Variants in PTPRM observed in about 807,000 individuals in gnomAD.
PTPRM encodes the protein protein tyrosine phosphatase receptor type M, also known as receptor-type tyrosine-protein phosphatase mu.
A neutral mutation model predicts 186.7 loss-of-function variants in PTPRM; 47 were observed. That is an observed-to-expected ratio of 0.25 (90% CI 0.20 to 0.32). The LOEUF (loss-of-function observed/expected upper bound fraction) is 0.32, where lower values mean the gene tolerates loss of function less well. Among genes scored for constraint, PTPRM ranks in the 10% least tolerant of loss-of-function variants. The pLI, the probability that PTPRM is intolerant of heterozygous loss-of-function variation, is 1.00. For synonymous variants in PTPRM, 668 were observed against 674.9 expected, an observed-to-expected ratio of 0.99 and a Z score of 0.16; for missense variants, 1,494 against 1,865.0, an observed-to-expected ratio of 0.80 and a Z score of 3.66.
intron 2 of PTPRM, among the ~76,000 whole-genome samples, chr18:7,839,143 C>T (rs2046203136): frequency 1.3e-5 from 2 of 152,202 alleles, no homozygotes; most frequent in Non-Finnish European, 2.9e-5. Flanking sequence ...AGTCCTGGAA[C>T]CAGGGACCCC....
intron 14 of PTPRM, 69 bp downstream of exon 14, chr18:8,143,848 A>G (rs561474673): frequency 1.3e-6 from 2 of 1,569,780 alleles, no homozygotes; most frequent in Non-Finnish European, 1.7e-6. Context: ...TGTGTGTGTG[A>G]AAATTCTCAG....
At chr18:8,193,682 T>C (rs1393287749) in intron 14 of PTPRM, among the ~76,000 whole-genome samples, 1 of 152,200 alleles carries the variant, frequency 6.6e-6, no homozygotes, top group Non-Finnish European at 1.5e-5. Flanking sequence ...AGCCTTCTGC[T>C]TTGATTAAGA....
intron 7 of PTPRM, among the ~76,000 whole-genome samples, chr18:8,066,257 A>G (rs1469495549): frequency 2.0e-5 from 3 of 152,216 alleles, no homozygotes; most frequent in South Asian, 2.1e-4. Context: ...GTCATTGGTC[A>G]TAGCCTATCA....
chr18:8,360,159 ATC>A (rs1224214262), intron 23 of PTPRM, among the ~76,000 whole-genome samples: 1 of 152,254 alleles, frequency 6.6e-6, no homozygotes, highest in Non-Finnish European at 1.5e-5. Context: ...AGACATCAGT[ATC>A]TCTACTTTAG....
chr18:7,606,931 G>A (rs1161204509), intron 1 of PTPRM, among the ~76,000 whole-genome samples: 2 of 152,106 alleles, frequency 1.3e-5, no homozygotes, highest in Non-Finnish European at 2.9e-5. Context: ...TGTTTTGGTG[G>A]AAACTGCTCT....
intron 3 of PTPRM, among the ~76,000 whole-genome samples, chr18:7,901,092 A>G (rs773680821): frequency 6.6e-4 from 101 of 152,172 alleles, no homozygotes; most frequent in Non-Finnish European, 1.3e-3. Context: ...TGGCATTTTC[A>G]AACATTCCTA....
At chr18:7,805,800 G>T (rs1430461844) in intron 2 of PTPRM, among the ~76,000 whole-genome samples, 1 of 152,066 alleles carries the variant, frequency 6.6e-6, no homozygotes, top group Non-Finnish European at 1.5e-5. Context: ...AGGTTGAGGA[G>T]GCTGTCTTTT....
chr18:8,364,287 A>G (rs759614886), intron 23 of PTPRM, among the ~76,000 whole-genome samples: 20 of 152,208 alleles, frequency 1.3e-4, no homozygotes, highest in Admixed American at 4.6e-4. Flanking sequence ...ATCTCATATT[A>G]TGCATGAGAA....
chr18:7,996,632 T>A (rs766526410), intron 7 of PTPRM, among the ~76,000 whole-genome samples: 2 of 152,064 alleles, frequency 1.3e-5, no homozygotes, highest in Non-Finnish European at 2.9e-5. Context: ...ATCTTATATT[T>A]AGAAATACCT....
At chr18:7,724,515 C>T (rs978581868) in intron 1 of PTPRM, among the ~76,000 whole-genome samples, 2 of 152,118 alleles carry the variant, frequency 1.3e-5, no homozygotes, top group African/African-American at 4.8e-5. Flanking sequence ...TTGCTGGTAC[C>T]CGGCATTATC....
At chr18:7,918,651 T>G (rs144958639) in intron 4 of PTPRM, among the ~76,000 whole-genome samples, 51 of 152,320 alleles carry the variant, frequency 3.3e-4, no homozygotes, top group Middle Eastern at 3.4e-3. Flanking sequence ...TTGGACTATT[T>G]GTATTTTTGC....
At chr18:8,309,795 AG>A (rs2095254446) in intron 20 of PTPRM, among the ~76,000 whole-genome samples, 1 of 152,186 alleles carries the variant, frequency 6.6e-6, no homozygotes, top group African/African-American at 2.4e-5. Context: ...CGGCCTCCCA[AG>A]TAGCTTGGTC....
chr18:7,567,682 C>A lies in PTPRM; in HGVS notation c.-137C>A. The stretch of plus-strand genomic sequence containing the variant: ...GAGTTCGGACTTCTGCAACTGTTGG[C>A]ACTTTGGGGGCTTGGCTTAGCGCTC... On this transcript the variant is annotated 5_prime_UTR_variant, in exon 1 of 33. Transcript: ENST00000580170. This position sits in a 1 kb window ranked among gnomAD's most constrained non-coding sequence, Gnocchi z 4.3. 1.4e-6 allele frequency: 1 copy of A among 730,272 alleles called. No individual in the cohort carries two copies. Among genetic ancestry groups the A allele is most frequent in the Non-Finnish European group, 2.0e-6 (1 of 490,322 alleles). The allele number at this position is 730,272 out of a possible 1,614,324, so 45.2% of individuals were successfully genotyped here. A position where few individuals can be genotyped will look rare whatever the true frequency, so the allele number is the denominator to read the frequency against.
chr18:8,130,213 A>G (rs2092468753), intron 13 of PTPRM, among the ~76,000 whole-genome samples: 1 of 152,014 alleles, frequency 6.6e-6, no homozygotes, highest in Admixed American at 6.6e-5. Flanking sequence ...TAGCTACCCT[A>G]TATTCTTGAA....
chr18:7,747,791 G>T (rs980134086), intron 1 of PTPRM: 11 of 152,154 alleles, frequency 7.2e-5, no homozygotes, highest in Admixed American at 7.2e-4. Context: ...TTTTAAATAA[G>T]ACCTGATTCT....
rs1331242940 is a variant in PTPRM at position 7,830,712 on chromosome 18, A to AATC, written c.196+56442_196+56443insTCA. Among the ~76,000 whole-genome samples, 3 of 152,308 alleles carry AATC rather than the reference A, an allele frequency of 2.0e-5. No homozygotes were observed. The East Asian group carries it at 5.8e-4, about 29-fold the overall frequency. On this transcript the variant is annotated intron_variant, in intron 2 of 32. Coordinates refer to ENST00000580170, the MANE Select transcript of PTPRM (RefSeq NM_001105244.2). ...GAAATAGGTCGCATAAAGCCCACTG[A>AATC]AGCTGCCAATCATCCTGTCTAAAGA...
intron 7 of PTPRM, among the ~76,000 whole-genome samples, chr18:8,051,909 T>C (rs1321995314): frequency 6.6e-6 from 1 of 152,236 alleles, no homozygotes; most frequent in African/African-American, 2.4e-5. Flanking sequence ...TATTACATGA[T>C]ACAATCCATA....
intron 19 of PTPRM, among the ~76,000 whole-genome samples, chr18:8,289,551 C>CACACATATATATACAT (rs1318286908): frequency 2.6e-5 from 2 of 77,718 alleles, no homozygotes; most frequent in African/African-American, 1.6e-4. Context: ...TATATATATA[C>CACACATATATATACAT]ATATATATAC....
intron 2 of PTPRM, among the ~76,000 whole-genome samples, chr18:7,862,243 A>C (rs1379463055): frequency 6.6e-6 from 1 of 152,234 alleles, no homozygotes; most frequent in Non-Finnish European, 1.5e-5. Context: ...TCAGTGCCCT[A>C]ATAATGATAT....
Sources: gnomAD v4.1 joint callset for allele counts (sites outside exome capture counted in the v4.1 genomes callset) on GRCh38, gnomAD v4.1.1 for gene constraint, Gnocchi (gnomAD v3.1) non-coding constraint, MANE v1.5 for transcripts, NCBI Gene and HGNC (gene_info 2026-07-23, HGNC 2026-07-21) for gene names.